The following GABRG3 variants were observed in gnomAD, a reference collection of about 807,000 sequenced individuals.
The protein encoded by GABRG3 is gamma-aminobutyric acid type A receptor subunit gamma3.
GABRG3 carries 25 observed loss-of-function variants against 48.8 expected under a neutral mutation model. That is an observed-to-expected ratio of 0.51 (90% confidence interval 0.37 to 0.72). GABRG3 has a LOEUF of 0.72. GABRG3 is among the 30% of genes least tolerant of loss of function. GABRG3 has a pLI of 0.00. For missense variants in GABRG3, 394 were observed against 577.9 expected, an observed-to-expected ratio of 0.68 and a Z score of 3.26; for synonymous variants, 227 against 217.6, an observed-to-expected ratio of 1.04 and a Z score of -0.38.
intron 3 of GABRG3, among the ~76,000 whole-genome samples, chr15:27,308,301 C>CATACGTTTAT (rs1566773733): frequency 6.6e-5 from 7 of 106,858 alleles, no homozygotes; most frequent in African/African-American, 3.7e-4. Context: ...ATATAAACAT[C>CATACGTTTAT]ATATAAACAT....
At chr15:27,350,311 T>C in intron 5 of GABRG3, 1 of 383,196 alleles carries the variant, frequency 2.6e-6, no homozygotes, top group South Asian at 1.9e-5. Flanking sequence ...TGCTGTGAAT[T>C]GGGAAATCAC....
At position 27,008,467 on chromosome 15, in the gene GABRG3, G is replaced by A. The variant is rs1895627029; in HGVS notation, c.203-18287G>A. ...AGTTCTTCCAAATATAGATGGGATA[G>A]GAATCTTTTGGCTGACAATCACTCA... On this transcript the variant is annotated intron_variant, in intron 2 of 9. Coordinates refer to ENST00000615808, the MANE Select transcript of GABRG3 (RefSeq NM_033223.5). Among the ~76,000 whole-genome samples the A allele has an allele frequency of 3.9e-5, 6 of 152,170 alleles. No individual in the cohort carries two copies. The South Asian group carries it at 1.0e-3, about 26-fold the overall frequency.
Position 26,999,394 on chromosome 15 carries a change from G to A in GABRG3, c.202+22244G>A, listed in dbSNP as rs148145866. Among the ~76,000 whole-genome samples the A allele has an allele frequency of 1.7e-3, 262 of 152,190 alleles. 1 individual carries two copies. Among genetic ancestry groups the A allele is most frequent in the South Asian group, 5.2e-3 (25 of 4,826 alleles). On this transcript the variant is annotated intron_variant, in intron 2 of 9. Transcript: ENST00000615808. ...AACCAATCCCCTGCCAATACCAAAG[G>A]ATGGTTATACTTTAAGGACATTGAA... is the stretch of plus-strand genomic sequence containing the variant.
At chr15:27,191,017 T>G (rs1888281564) in intron 3 of GABRG3, among the ~76,000 whole-genome samples, 1 of 152,226 alleles carries the variant, frequency 6.6e-6, no homozygotes, top group Admixed American at 6.5e-5. Context: ...TTGTTCAGTT[T>G]CCATGTAGTT....
intron 3 of GABRG3, among the ~76,000 whole-genome samples, chr15:27,223,114 C>A (rs1315011321): frequency 6.6e-6 from 1 of 152,140 alleles, no homozygotes; most frequent in Non-Finnish European, 1.5e-5. Flanking sequence ...GATGCAACAT[C>A]CATTTGTATC....
chr15:27,029,479 G>A (rs61998081), intron 3 of GABRG3, among the ~76,000 whole-genome samples: 22,002 of 151,840 alleles, frequency 0.14, 1,862 homozygotes, highest in South Asian at 0.2. Flanking sequence ...GCACACACTC[G>A]TGCACACACA....
At chr15:27,467,201 G>A (rs1889639971) in intron 5 of GABRG3, among the ~76,000 whole-genome samples, 1 of 152,098 alleles carries the variant, frequency 6.6e-6, no homozygotes, top group Non-Finnish European at 1.5e-5. Flanking sequence ...CTCACACGGA[G>A]GGAGAAACAT....
At chr15:27,333,554 A>T (rs1258350165) in intron 5 of GABRG3, among the ~76,000 whole-genome samples, 1 of 152,188 alleles carries the variant, frequency 6.6e-6, no homozygotes, top group Non-Finnish European at 1.5e-5. Context: ...GCTCACCCAC[A>T]TGGGCCAAGA....
At chr15:27,085,965 G>A (rs1323718581) in intron 3 of GABRG3, among the ~76,000 whole-genome samples, 1 of 152,092 alleles carries the variant, frequency 6.6e-6, no homozygotes, top group Non-Finnish European at 1.5e-5. Context: ...ACATTTCATT[G>A]AAGAACTTAA....
At chr15:27,510,187 C>T (rs144603525) in intron 6 of GABRG3, among the ~76,000 whole-genome samples, 56 of 152,186 alleles carry the variant, frequency 3.7e-4, no homozygotes, top group Middle Eastern at 3.4e-3. Context: ...ATGCTTGTTG[C>T]GTGTGGGTGG....
intron 6 of GABRG3, among the ~76,000 whole-genome samples, chr15:27,488,392 C>T (rs1391196159): frequency 6.6e-6 from 1 of 152,114 alleles, no homozygotes; most frequent in Admixed American, 6.6e-5. Flanking sequence ...ATGCTGGAGC[C>T]ATCCTACCTG....
At chr15:27,231,853 T>C (rs1889810629) in intron 3 of GABRG3, among the ~76,000 whole-genome samples, 1 of 152,034 alleles carries the variant, frequency 6.6e-6, no homozygotes. Flanking sequence ...TTGTGAAACA[T>C]ATTAAATTTT....
At position 27,488,843 on chromosome 15, in the gene GABRG3, G is replaced by C. The variant is rs182533995; in HGVS notation, c.712+8056G>C. ...CACTTCACTCCTGTTTATATTAATA[G>C]TTTCATTATTTAAAATTTATCCAAC... On this transcript the variant is annotated intron_variant, in intron 6 of 9. Transcript: ENST00000615808. 4.1e-3 allele frequency among the ~76,000 whole-genome samples: 630 copies of C among 152,168 alleles called. 8 individuals carry two copies. Among genetic ancestry groups the C allele is most frequent in the African/African-American group, 0.015 (602 of 41,512 alleles).
intron 5 of GABRG3, among the ~76,000 whole-genome samples, chr15:27,391,476 T>A (rs981802108): frequency 6.6e-6 from 1 of 152,034 alleles, no homozygotes; most frequent in Admixed American, 6.5e-5. Context: ...ATAATAATAA[T>A]AATATTTAAT....
At chr15:27,376,363 A>G (rs538688600) in intron 5 of GABRG3, among the ~76,000 whole-genome samples, 11 of 152,330 alleles carry the variant, frequency 7.2e-5, no homozygotes, top group African/African-American at 2.2e-4. Flanking sequence ...TTGGAGGACC[A>G]TGGCCCTCTT....
At chr15:27,062,112 C>T (rs1042000582) in intron 3 of GABRG3, among the ~76,000 whole-genome samples, 68 of 152,258 alleles carry the variant, frequency 4.5e-4, no homozygotes, top group African/African-American at 1.6e-3. Context: ...TCTTCCTGTC[C>T]CATGAGAGTG....
chr15:27,002,788 GGAAAGAGA>G lies in GABRG3; in HGVS notation c.203-23945_203-23938del, dbSNP rs1233520323. ...AGGAAGGAAGGAAGGAAGGAAAGAAGGAAAGAGAGAAAGAGAGAAAGAGAGAAATAGCT... is the reference window on the plus strand; with the variant it reads ...AGGAAGGAAGGAAGGAAGGAAAGAAGGAAAGAGAGAAAGAGAGAAATAGCT... On this transcript the variant is annotated intron_variant, in intron 2 of 9. Transcript: ENST00000615808. Among the ~76,000 whole-genome samples, 1,026 of 147,774 alleles carry G rather than the reference GGAAAGAGA, an allele frequency of 6.9e-3. 26 individuals carry two copies. Among genetic ancestry groups the G allele is most frequent in the African/African-American group, 0.024 (954 of 39,764 alleles).
intron 3 of GABRG3, among the ~76,000 whole-genome samples, chr15:27,300,166 G>A (rs1240544051): frequency 1.3e-5 from 2 of 152,072 alleles, no homozygotes; most frequent in Non-Finnish European, 2.9e-5. Context: ...GGCTGAAAAC[G>A]AAAATATCAA....
chr15:27,074,279 G>C (rs1233258530), intron 3 of GABRG3, among the ~76,000 whole-genome samples: 34 of 152,156 alleles, frequency 2.2e-4, no homozygotes, highest in Admixed American at 2.2e-3. Flanking sequence ...GTTTCTTACT[G>C]AGTGTTGACC....
Sources: allele counts gnomAD v4.1 joint callset (sites outside exome capture counted in the v4.1 genomes callset), GRCh38; gene constraint gnomAD v4.1.1; transcripts MANE v1.5; gene names NCBI Gene and HGNC (gene_info 2026-07-23, HGNC 2026-07-21).